Variants in RAPGEF5 observed in about 807,000 individuals in gnomAD.
RAPGEF5 encodes Rap guanine nucleotide exchange factor 5, also known as M-Ras-regulated GEF.
In RAPGEF5, 65 loss-of-function variants were observed where a neutral mutation model predicts 125.2. The observed-to-expected ratio is 0.52, with a 90% CI of 0.43 to 0.64. The LOEUF is 0.64. Among genes scored for constraint, RAPGEF5 ranks in the 30% least tolerant of loss-of-function variants. The probability of loss-of-function intolerance (pLI) is 0.00; values close to 1 mark genes in which losing one functional copy is unlikely to be tolerated. For synonymous variants in RAPGEF5, 391 were observed against 385.9 expected (o/e 1.01, Z -0.16); for missense variants, 958 against 1,048.1 (o/e 0.91, Z 1.19).
intron 9 of RAPGEF5, among the ~76,000 whole-genome samples, chr7:22,206,311 C>A (rs542355080): frequency 6.6e-6 from 1 of 152,098 alleles, no homozygotes; most frequent in African/African-American, 2.4e-5. Context: ...GTCTTTGATG[C>A]TAGTAATAAA....
At chr7:22,168,935 T>C (rs1400295115) in intron 11 of RAPGEF5, among the ~76,000 whole-genome samples, 1 of 152,204 alleles carries the variant, frequency 6.6e-6, no homozygotes, top group East Asian at 1.9e-4. Context: ...TTCATAGTAT[T>C]CCCTGTCAAA....
At chr7:22,250,199 C>T (rs1290644071) in intron 7 of RAPGEF5, among the ~76,000 whole-genome samples, 1 of 152,090 alleles carries the variant, frequency 6.6e-6, no homozygotes, top group Non-Finnish European at 1.5e-5. Context: ...AATCTTATCC[C>T]CAAAACAAAT....
intron 7 of RAPGEF5, among the ~76,000 whole-genome samples, chr7:22,234,168 G>C (rs1375156146): frequency 6.6e-6 from 1 of 152,068 alleles, no homozygotes; most frequent in African/African-American, 2.4e-5. Flanking sequence ...AATATATATG[G>C]TCCCCTAAAA....
chr7:22,346,829 C>T (rs1052605224), intron 1 of RAPGEF5, among the ~76,000 whole-genome samples: 1 of 152,110 alleles, frequency 6.6e-6, no homozygotes, highest in African/African-American at 2.4e-5. Context: ...ACAGATAATA[C>T]AAACAGTACA....
chr7:22,179,183 A>G (rs1443724958), intron 11 of RAPGEF5, among the ~76,000 whole-genome samples: 1 of 152,152 alleles, frequency 6.6e-6, no homozygotes, highest in Non-Finnish European at 1.5e-5. Context: ...AATCTACTCT[A>G]TAAGAGTAGA....
At chr7:22,322,891 T>C (rs544445078) in intron 1 of RAPGEF5, among the ~76,000 whole-genome samples, 35 of 152,324 alleles carry the variant, frequency 2.3e-4, no homozygotes, top group African/African-American at 7.7e-4. Flanking sequence ...AAATAAGTGA[T>C]TGAGAATGGC....
At chr7:22,138,927 C>CT (rs1445085790) in intron 21 of RAPGEF5, among the ~76,000 whole-genome samples, 1 of 152,204 alleles carries the variant, frequency 6.6e-6, no homozygotes, top group East Asian at 1.9e-4. Flanking sequence ...TCACCCATGT[C>CT]TTTCATCTTG....
At chr7:22,183,198 G>A (rs966485207) in intron 11 of RAPGEF5, among the ~76,000 whole-genome samples, 3 of 150,542 alleles carry the variant, frequency 2.0e-5, no homozygotes, top group Non-Finnish European at 3.0e-5. Flanking sequence ...GAACCCAGGA[G>A]GGGGAGGTTG....
In RAPGEF5 at chr7:22,154,579, C is replaced by T. The variant is rs774725734; in HGVS notation, c.1662G>A (p.Glu554=). The part of the protein sequence containing the change: ...EEIFCHVYIT[E]HSYVSVKAKV... ...TTGCCTTCACACTGACATAGGAGTG[C>T]TCTGTTATATACACGTGGCAGAAAA... is the stretch of plus-strand genomic sequence containing the variant. Residue 554 remains glutamate (E), a synonymous_variant, in exon 17 of 26, where the codon GAG becomes GAA. Transcript: ENST00000665637. The T allele has an allele frequency of 9.3e-6, 15 of 1,613,628 alleles. No homozygotes were observed. In the East Asian group the frequency reaches 2.5e-4, roughly 26 times the overall value.
At chr7:22,262,086 C>A (rs1055222453) in intron 7 of RAPGEF5, among the ~76,000 whole-genome samples, 1 of 152,092 alleles carries the variant, frequency 6.6e-6, no homozygotes. Context: ...ACCCTTTGAT[C>A]TGTGAAAGAC....
At chr7:22,296,131 G>A (rs1316035116) in intron 5 of RAPGEF5, among the ~76,000 whole-genome samples, 1 of 152,106 alleles carries the variant, frequency 6.6e-6, no homozygotes, top group African/African-American at 2.4e-5. Flanking sequence ...GTACATGACT[G>A]GGTGAGGGCA....
chr7:22,136,201 A>T, intron 22 of RAPGEF5, 76 bp from the exon 23 acceptor site: 1 of 1,111,504 alleles, frequency 9.0e-7, no homozygotes, highest in Non-Finnish European at 1.3e-6. Flanking sequence ...CACCTTTGCT[A>T]CACAATTTGA....
intron 25 of RAPGEF5, among the ~76,000 whole-genome samples, chr7:22,124,029 T>G (rs1344398239): frequency 6.6e-6 from 1 of 152,242 alleles, no homozygotes; most frequent in Middle Eastern, 3.2e-3. Flanking sequence ...TTAAAGATAC[T>G]GTATATAAAT....
intron 21 of RAPGEF5, among the ~76,000 whole-genome samples, 173 bp from the exon 22 acceptor site, chr7:22,137,156 T>A (rs1783105527): frequency 6.6e-6 from 1 of 152,230 alleles, no homozygotes; most frequent in Non-Finnish European, 1.5e-5. Flanking sequence ...ATCATCCCTT[T>A]AATGTGATCT....
chr7:22,198,603 G>A (rs1785206244), intron 9 of RAPGEF5, among the ~76,000 whole-genome samples: 2 of 152,168 alleles, frequency 1.3e-5, no homozygotes, highest in South Asian at 4.1e-4. Flanking sequence ...CATAATGGTA[G>A]AGGTAATGAC....
chr7:22,267,653 C>A (rs769456348), intron 6 of RAPGEF5, among the ~76,000 whole-genome samples: 2 of 152,204 alleles, frequency 1.3e-5, no homozygotes, highest in Non-Finnish European at 2.9e-5. Flanking sequence ...TACTCTCACT[C>A]TCATCCTTCC....
intron 4 of RAPGEF5, among the ~76,000 whole-genome samples, 176 bp downstream of exon 4, chr7:22,309,793 A>C (rs1783427255): frequency 6.6e-6 from 1 of 152,244 alleles, no homozygotes; most frequent in Non-Finnish European, 1.5e-5. Flanking sequence ...AAGAATTGTA[A>C]GAGAAATAAG....
At chr7:22,313,767 C>G (rs921814528) in intron 3 of RAPGEF5, among the ~76,000 whole-genome samples, 1 of 152,222 alleles carries the variant, frequency 6.6e-6, no homozygotes, top group African/African-American at 2.4e-5. Flanking sequence ...CAAAGACTTA[C>G]ACATATAAAT....
chr7:22,241,815 T>G (rs1786339006), intron 7 of RAPGEF5, among the ~76,000 whole-genome samples: 1 of 152,290 alleles, frequency 6.6e-6, no homozygotes, highest in Admixed American at 6.5e-5. Flanking sequence ...ACAAAGTCAT[T>G]AATATTTATA....
Sources: allele counts gnomAD v4.1 joint callset (sites outside exome capture counted in the v4.1 genomes callset), GRCh38; gene constraint gnomAD v4.1.1; transcripts MANE v1.5; gene names NCBI Gene and HGNC (gene_info 2026-07-23, HGNC 2026-07-21).